CHST3: variants seen among roughly 807,000 people sequenced by gnomAD.
The protein encoded by CHST3 is C6ST-1.
In CHST3, 20 loss-of-function variants were observed where a neutral mutation model predicts 35.4. That is an observed-to-expected ratio of 0.57 (90% CI 0.40 to 0.82). The LOEUF (loss-of-function observed/expected upper bound fraction) is 0.82, where lower values mean the gene tolerates loss of function less well. Among genes scored for constraint, CHST3 ranks in the 40% least tolerant of loss-of-function variants. The pLI, the probability that CHST3 is intolerant of heterozygous loss-of-function variation, is 0.00. For missense variants in CHST3, 693 were observed against 670.1 expected, an observed-to-expected ratio of 1.03 and a Z score of -0.38; for synonymous variants, 334 against 295.9, an observed-to-expected ratio of 1.13 and a Z score of -1.32.
chr10:71,999,764 C>A (rs893696525), intron 1 of CHST3, among the ~76,000 whole-genome samples: 1 of 152,228 alleles, frequency 6.6e-6, no homozygotes, highest in African/African-American at 2.4e-5. Context: ...CTCTGGGAGG[C>A]ACCTTGCCAA....
chr10:72,007,343 G>T lies in CHST3; in HGVS notation c.312G>T (p.Glu104Asp). Residue 104 changes from glutamate (E) to aspartate (D), a missense_variant, in exon 3 of 3, where the codon GAG becomes GAT. Glu to Asp is a conservative substitution (Grantham distance 45, BLOSUM62 2). Coordinates refer to ENST00000373115, the MANE Select transcript of CHST3 (RefSeq NM_004273.5). ...LRNLSLQLGV[E>D]PAMEAAGEEE... is the part of the protein sequence containing the mutation. ...ACCTCAGCTTGCAGCTGGGCGTGGA[G>T]CCAGCCATGGAGGCCGCAGGGGAGG... 1 of 1,609,462 alleles carries T rather than the reference G, an allele frequency of 6.2e-7. No individual in the cohort carries two copies. The highest frequency in any genetic ancestry group is 8.5e-7 in the Non-Finnish European group (1 of 1,178,026).
intron 1 of CHST3, among the ~76,000 whole-genome samples, chr10:71,989,119 G>A (rs1012403389): frequency 1.8e-4 from 28 of 151,968 alleles, no homozygotes; most frequent in African/African-American, 5.8e-4. Flanking sequence ...CTGAGATTGC[G>A]CCACTGCATT....
At chr10:72,004,721 T>G (rs1406852225) in intron 1 of CHST3, among the ~76,000 whole-genome samples, 1 of 152,140 alleles carries the variant, frequency 6.6e-6, no homozygotes, top group Non-Finnish European at 1.5e-5. Context: ...CCGGCATTTG[T>G]TTCTGAATGG....
At chr10:72,006,402 TA>T (rs1366887580) in intron 2 of CHST3, among the ~76,000 whole-genome samples, 1 of 152,226 alleles carries the variant, frequency 6.6e-6, no homozygotes, top group Non-Finnish European at 1.5e-5. Flanking sequence ...CTATTACTGT[TA>T]ATTTACCTCC....
chr10:71,970,167 CT>C (rs1228574652), intron 1 of CHST3, among the ~76,000 whole-genome samples: 5 of 152,158 alleles, frequency 3.3e-5, no homozygotes, highest in Non-Finnish European at 5.9e-5. Flanking sequence ...CCGCCACCAG[CT>C]TGGAGGGCAG....
chr10:71,979,473 G>T (rs1297650629), intron 1 of CHST3, among the ~76,000 whole-genome samples: 1 of 152,086 alleles, frequency 6.6e-6, no homozygotes, highest in East Asian at 1.9e-4. Context: ...AAGTCGGAGG[G>T]AGGCTCTGGG....
At chr10:71,967,975 A>ATTTTTTTTTTTTTTTTTTT (rs61420934) in intron 1 of CHST3, among the ~76,000 whole-genome samples, 10 of 142,084 alleles carry the variant, frequency 7.0e-5, no homozygotes, top group Middle Eastern at 3.8e-3. Flanking sequence ...TGCGTGGCTA[A>ATTTTTTTTTTTTTTTTTTT]TTTTTTTTTT....
intron 1 of CHST3, among the ~76,000 whole-genome samples, chr10:72,005,287 GTGTGTGTGTGTGTC>G (rs1179818788): frequency 1.4e-5 from 2 of 147,866 alleles, no homozygotes; most frequent in African/African-American, 2.7e-5. Context: ...GCACCTTTGT[GTGTGTGTGTGTGTC>G]TGTGTGTGTG....
At chr10:71,965,474 G>A (rs1028543570) in intron 1 of CHST3, among the ~76,000 whole-genome samples, 1 of 152,340 alleles carries the variant, frequency 6.6e-6, no homozygotes, top group African/African-American at 2.4e-5. Context: ...CAAGGGAACC[G>A]GGTGAGCAGA....
At position 72,011,173 on chromosome 10, in the gene CHST3, G is replaced by C. The variant is rs1205074636; in HGVS notation, c.*2702G>C. On this transcript the variant is annotated 3_prime_UTR_variant, in exon 3 of 3. Transcript: ENST00000373115. Reference sequence around the variant, plus strand: ...CAGAAGACGATTCAGAACACAAGAGGAGAATGAGCTGGAGCGCCAGCACCA... The same window carrying C: ...CAGAAGACGATTCAGAACACAAGAGCAGAATGAGCTGGAGCGCCAGCACCA... 1 of 152,158 alleles carries C rather than the reference G, an allele frequency of 6.6e-6. No homozygotes were observed. Among genetic ancestry groups the C allele is most frequent in the East Asian group, 1.9e-4 (1 of 5,190 alleles). 9.4% of individuals were successfully genotyped at this position (152,158 alleles called of 1,614,324 possible).
intron 1 of CHST3, among the ~76,000 whole-genome samples, chr10:71,998,814 C>G (rs1335764598): frequency 1.3e-5 from 2 of 152,154 alleles, no homozygotes; most frequent in Non-Finnish European, 2.9e-5. Flanking sequence ...TCGGTTCTTT[C>G]TTGGGAGAGG....
At chr10:71,989,019 G>A (rs1839874206) in intron 1 of CHST3, among the ~76,000 whole-genome samples, 2 of 152,084 alleles carry the variant, frequency 1.3e-5, no homozygotes, top group South Asian at 2.1e-4. Context: ...AAAATTAGCC[G>A]GGCATGCTGG....
At chr10:71,981,758 G>C (rs566416764) in intron 1 of CHST3, among the ~76,000 whole-genome samples, 2 of 152,356 alleles carry the variant, frequency 1.3e-5, no homozygotes, top group South Asian at 2.1e-4. Flanking sequence ...AAGTAGCTGT[G>C]GGGAATAAGA....
At chr10:71,993,199 C>A (rs1238630029) in intron 1 of CHST3, among the ~76,000 whole-genome samples, 1 of 152,180 alleles carries the variant, frequency 6.6e-6, no homozygotes, top group Non-Finnish European at 1.5e-5. Flanking sequence ...AGACTGGACA[C>A]CCTGCTCCAA....
chr10:72,008,562 G>A lies in CHST3; in HGVS notation c.*91G>A, dbSNP rs946963097. ...GCAGAGGGCGGGTGCACAGCGCCAT[G>A]AGCGGGCAGCGCCTCCTGTAGCAGT... On this transcript the variant is annotated 3_prime_UTR_variant, in exon 3 of 3. Transcript: ENST00000373115. 4.2e-6 allele frequency: 6 copies of A among 1,441,366 alleles called. 1 individual carries two copies. The African/African-American group carries it at 8.6e-5, about 21-fold the overall frequency. The allele number at this position is 1,441,366 out of a possible 1,614,324, so 89.3% of individuals were successfully genotyped here. A position where few individuals can be genotyped will look rare whatever the true frequency, so the allele number is the denominator to read the frequency against.
intron 1 of CHST3, among the ~76,000 whole-genome samples, chr10:71,966,158 A>G (rs571548213): frequency 6.6e-6 from 1 of 152,228 alleles, no homozygotes; most frequent in Admixed American, 6.5e-5. Context: ...GCTGCTGGGC[A>G]TGTGCTGGGG....
intron 1 of CHST3, among the ~76,000 whole-genome samples, chr10:71,990,813 G>A (rs1702203867): frequency 6.6e-6 from 1 of 152,214 alleles, no homozygotes; most frequent in Non-Finnish European, 1.5e-5. Context: ...ATAGCTAAGA[G>A]TATGCATATT....
At chr10:71,981,637 C>A (rs897105948) in intron 1 of CHST3, among the ~76,000 whole-genome samples, 2 of 152,202 alleles carry the variant, frequency 1.3e-5, no homozygotes, top group Non-Finnish European at 1.5e-5. Flanking sequence ...GGCCCTGGTG[C>A]AGCAGGGAGA....
chr10:71,997,268 C>T (rs969923084), intron 1 of CHST3, among the ~76,000 whole-genome samples: 7 of 152,144 alleles, frequency 4.6e-5, no homozygotes, highest in African/African-American at 1.4e-4. Context: ...ATGATTTTGG[C>T]GCTCTGGGTA....
Sources: allele counts gnomAD v4.1 joint callset (sites outside exome capture counted in the v4.1 genomes callset), GRCh38; gene constraint gnomAD v4.1.1; transcripts MANE v1.5; gene names NCBI Gene and HGNC (gene_info 2026-07-23, HGNC 2026-07-21).